The following CACNA1C variants were observed in gnomAD, a reference collection of about 807,000 sequenced individuals.
The protein encoded by CACNA1C is calcium voltage-gated channel subunit alpha1 C.
A neutral mutation model predicts 229.0 loss-of-function variants in CACNA1C; 30 were observed. The ratio of observed to expected loss-of-function variants is 0.13; its 90% CI spans 0.10 to 0.18. The LOEUF is 0.18. Among genes scored for constraint, CACNA1C ranks in the 10% least tolerant of loss-of-function variants. CACNA1C has a pLI of 1.00. For missense variants in CACNA1C, 1,658 were observed against 2,845.0 expected (o/e 0.58, Z 9.49); for synonymous variants, 1,114 against 1,132.5 (o/e 0.98, Z 0.33).
intron 1 of CACNA1C, among the ~76,000 whole-genome samples, chr12:2,027,657 G>T (rs1447248070): frequency 2.0e-5 from 3 of 152,184 alleles, no homozygotes; most frequent in Admixed American, 6.5e-5. Context: ...AAAGCGGAAA[G>T]TCCCTTCCCT....
At chr12:2,416,059 C>T (rs1371767656) in intron 3 of CACNA1C, among the ~76,000 whole-genome samples, 3 of 152,256 alleles carry the variant, frequency 2.0e-5, no homozygotes, top group Admixed American at 6.5e-5. Context: ...CACGTGTATC[C>T]TCAAGCTGGT....
chr12:2,078,881 A>G (rs1221911369), intron 1 of CACNA1C, among the ~76,000 whole-genome samples: 1 of 152,164 alleles, frequency 6.6e-6, no homozygotes, highest in Non-Finnish European at 1.5e-5. Context: ...AACCAACCCA[A>G]ATGTCCAATA....
In CACNA1C at chr12:2,354,247, C is replaced by T. The variant is rs1252457372; in HGVS notation, c.478-94729C>T. ...CCGAGTCCCTCTGTCCTCGCACCCT[C>T]ACCTGGCTCTCTTGCCTAAGCCTGT... On this transcript the variant is annotated intron_variant, in intron 3 of 46. Transcript: ENST00000399655. The surrounding 1 kb of genome is among the most constrained non-coding windows in gnomAD (Gnocchi z 4.6). Among the ~76,000 whole-genome samples the T allele has an allele frequency of 6.6e-6, 1 of 152,230 alleles. No individual in the cohort carries two copies. Among genetic ancestry groups the T allele is most frequent in the Non-Finnish European group, 1.5e-5 (1 of 68,054 alleles).
intron 9 of CACNA1C, among the ~76,000 whole-genome samples, chr12:2,543,429 A>C (rs1310374702): frequency 6.6e-6 from 1 of 152,216 alleles, no homozygotes; most frequent in Non-Finnish European, 1.5e-5. Context: ...TCCAGCATTC[A>C]TGATTCTAAA....
intron 3 of CACNA1C, among the ~76,000 whole-genome samples, chr12:2,431,766 T>C (rs2099087475): frequency 6.6e-6 from 1 of 152,220 alleles, no homozygotes; most frequent in South Asian, 2.1e-4. Flanking sequence ...CCTGATGTTA[T>C]GGCAATGGAG....
intron 3 of CACNA1C, among the ~76,000 whole-genome samples, chr12:2,392,324 G>A (rs554559117): frequency 4.6e-5 from 7 of 152,278 alleles, no homozygotes; most frequent in Admixed American, 2.0e-4. Context: ...TGCATCTACA[G>A]TAACTTCATT....
At chr12:2,480,350 G>A (rs2099670510) in intron 5 of CACNA1C, among the ~76,000 whole-genome samples, 1 of 152,152 alleles carries the variant, frequency 6.6e-6, no homozygotes, top group Non-Finnish European at 1.5e-5. Flanking sequence ...ACCACTTCCT[G>A]GAAAGCCTTT....
intron 1 of CACNA1C, chr12:2,004,373 G>A (rs368006315): frequency 1.9e-6 from 3 of 1,612,890 alleles, no homozygotes; most frequent in South Asian, 2.2e-5. Context: ...GCGCTGCAGG[G>A]CCGCTAGGCT....
At chr12:2,191,859 TACTCGCATACACAGGCGCACACGTAC>T (rs2097235730) in intron 3 of CACNA1C, among the ~76,000 whole-genome samples, 2 of 63,826 alleles carry the variant, frequency 3.1e-5, no homozygotes, top group Non-Finnish European at 7.9e-5. Flanking sequence ...CTCACACATG[TACTCGCATACACAGGCGCACACGTAC>T]ACACAGGCAC....
intron 4 of CACNA1C, among the ~76,000 whole-genome samples, chr12:2,453,902 CT>C (rs2099400075): frequency 6.6e-6 from 1 of 152,190 alleles, no homozygotes; most frequent in Non-Finnish European, 1.5e-5. Flanking sequence ...CAGTTCTCAG[CT>C]TCCTTTCTGG....
intron 4 of CACNA1C, among the ~76,000 whole-genome samples, chr12:2,455,535 A>G (rs887109047): frequency 1.3e-5 from 2 of 152,196 alleles, no homozygotes; most frequent in African/African-American, 4.8e-5. Flanking sequence ...GGCTCCTAGC[A>G]AAGGTAAATT....
At chr12:2,229,837 C>T (rs755686833) in intron 3 of CACNA1C, among the ~76,000 whole-genome samples, 114 of 152,170 alleles carry the variant, frequency 7.5e-4, no homozygotes, top group Non-Finnish European at 1.4e-3. Context: ...CCGAGGCGGG[C>T]GGAGCAGGGC....
In CACNA1C at chr12:2,071,166, C is replaced by CT. The variant is rs1345865922; in HGVS notation, c.49+17556dup. ...CCTCCCTCCCTCCCTCCCTCCCTCC[C>CT]TCCCTCCCTGCCTGCCTGCCTGCCT... is the stretch of plus-strand genomic sequence containing the variant. On this transcript the variant is annotated intron_variant, in intron 1 of 46. Transcript: ENST00000399655. 6.2e-3 allele frequency among the ~76,000 whole-genome samples: 576 copies of CT among 92,516 alleles called. 113 individuals are homozygous for CT. The highest frequency in any genetic ancestry group is 9.6e-3 in the Non-Finnish European group (435 of 45,254). 60.7% of individuals were successfully genotyped at this position (92,516 alleles called of 152,430 possible). A position where few individuals can be genotyped will look rare whatever the true frequency, so the allele number is the denominator to read the frequency against.
chr12:2,556,849 C>T (rs1168268424), intron 10 of CACNA1C, 102 bp from the exon 11 acceptor site: 20 of 952,740 alleles, frequency 2.1e-5, no homozygotes, highest in Admixed American at 3.5e-5. Flanking sequence ...AGCACCCACA[C>T]GAAATTACCT....
At chr12:2,383,553 G>A (rs1302758275) in intron 3 of CACNA1C, among the ~76,000 whole-genome samples, 1 of 152,152 alleles carries the variant, frequency 6.6e-6, no homozygotes, top group Admixed American at 6.5e-5. Flanking sequence ...CAGAGGAGGC[G>A]ATCCAATGAG....
intron 3 of CACNA1C, among the ~76,000 whole-genome samples, chr12:2,446,357 T>G (rs2099279549): frequency 7.1e-6 from 1 of 139,990 alleles, no homozygotes; most frequent in African/African-American, 2.7e-5. Flanking sequence ...TGTATGTATG[T>G]GTGTGGGTGG....
At chr12:2,497,810 G>A (rs369058342) in intron 7 of CACNA1C, among the ~76,000 whole-genome samples, 3 of 152,122 alleles carry the variant, frequency 2.0e-5, no homozygotes, top group East Asian at 1.9e-4. Flanking sequence ...CAAATAGTGT[G>A]TTCTCTAGAA....
At chr12:2,397,401 C>T (rs994743631) in intron 3 of CACNA1C, among the ~76,000 whole-genome samples, 10 of 152,246 alleles carry the variant, frequency 6.6e-5, no homozygotes, top group Non-Finnish European at 1.2e-4. Flanking sequence ...CCATCCCAGA[C>T]ACAAAGTCAC....
intron 30 of CACNA1C, chr12:2,641,568 C>T: frequency 3.3e-6 from 2 of 610,150 alleles, no homozygotes; most frequent in Non-Finnish European, 5.9e-6. Flanking sequence ...AGCTTCTTCC[C>T]ACTTTCGGCA....
Sources: allele counts gnomAD v4.1 joint callset (sites outside exome capture counted in the v4.1 genomes callset), GRCh38; gene constraint gnomAD v4.1.1; non-coding constraint Gnocchi (gnomAD v3.1); transcripts MANE v1.5; gene names NCBI Gene and HGNC (gene_info 2026-07-23, HGNC 2026-07-21).